Variants in KHDC1 observed in about 807,000 individuals in gnomAD.
KHDC1 encodes KH domain containing 1.
Under a neutral mutation model 24.7 loss-of-function variants are expected in KHDC1, and 21 were observed. The ratio of observed to expected loss-of-function variants is 0.85; its 90% CI spans 0.60 to 1.23. The LOEUF is 1.23. Ranked by LOEUF, KHDC1 falls within the 50% of genes most tolerant of loss-of-function variation. The pLI, the probability that KHDC1 is intolerant of heterozygous loss-of-function variation, is 0.00. For missense variants in KHDC1, 274 were observed against 298.5 expected, an observed-to-expected ratio of 0.92 and a Z score of 0.61; for synonymous variants, 98 against 111.7, an observed-to-expected ratio of 0.88 and a Z score of 0.77.
Position 73,292,365 on chromosome 6 carries a change from C to G in KHDC1, c.164-325G>C, listed in dbSNP as rs1447740875. 5 of 806,378 alleles carry G rather than the reference C, an allele frequency of 6.2e-6. No homozygotes were observed. In the East Asian group the frequency reaches 1.2e-4, roughly 20 times the overall value. 50.0% of individuals were successfully genotyped at this position (806,378 alleles called of 1,614,324 possible). On this transcript the variant is annotated intron_variant, in intron 1 of 4. Coordinates refer to ENST00000370384, the Ensembl canonical transcript of KHDC1. ...TATTTAGATACATTCTACACATATG[C>G]AAAATTCCAGTATGAATGTGGGAAT...
At chr6:73,262,983 G>C (rs1358714189) in intron 2 of KHDC1, 1 of 1,002,204 alleles carries the variant, frequency 1.0e-6, no homozygotes, top group South Asian at 4.2e-5. Context: ...GGCTTTGACG[G>C]TAGGAATGAA....
chr6:73,295,985 T>C (rs1328787486), intron 1 of KHDC1, among the ~76,000 whole-genome samples: 2 of 150,020 alleles, frequency 1.3e-5, no homozygotes, highest in Non-Finnish European at 2.9e-5. Context: ...CTACTAAAAA[T>C]ACAAAAATTA....
intron 4 of KHDC1, among the ~76,000 whole-genome samples, 154 bp downstream of exon 3, chr6:73,241,900 CA>C (rs1209021671): frequency 2.0e-5 from 3 of 152,034 alleles, no homozygotes; most frequent in African/African-American, 7.2e-5. Flanking sequence ...TCTCATGCCA[CA>C]AAAAAAGATG....
chr6:73,292,738 G>A (rs920893867), intron 1 of KHDC1: 8 of 738,956 alleles, frequency 1.1e-5, no homozygotes, highest in South Asian at 4.1e-5. Context: ...TAGCAAACAA[G>A]GATGTTCGAA....
chr6:73,304,177 T>C (rs144894485), intron 1 of KHDC1, among the ~76,000 whole-genome samples: 2,301 of 149,950 alleles, frequency 0.015, 25 homozygotes, highest in East Asian at 0.057. Context: ...AGACTCCATC[T>C]CAAAAAAAAA....
intron 2 of KHDC1, among the ~76,000 whole-genome samples, 176 bp downstream of exon 1, chr6:73,262,598 C>T (rs1198879314): frequency 1.3e-5 from 2 of 151,982 alleles, no homozygotes; most frequent in Admixed American, 6.6e-5. Flanking sequence ...TTTAAAATGT[C>T]CCCAAATCAA....
chr6:73,283,195 G>A (rs368312673), intron 2 of KHDC1, among the ~76,000 whole-genome samples: 13 of 152,218 alleles, frequency 8.5e-5, no homozygotes, highest in Non-Finnish European at 1.5e-4. Context: ...TGAAGGAACC[G>A]GGAGTTATGC....
In KHDC1 at chr6:73,242,246, A is replaced by C; in HGVS notation, c.332-9T>G. ...GTATGTGTCACCATGCCCTGTGAGC[A>C]TAAGAGGTGAGAGGAGGTTCTGTCA... On this transcript the variant is annotated splice_polypyrimidine_tract_variant and intron_variant, in intron 3 of 4. Coordinates refer to ENST00000370384, the Ensembl canonical transcript of KHDC1. 1 of 1,611,390 alleles carries C rather than the reference A, an allele frequency of 6.2e-7. No homozygotes were observed. The highest frequency in any genetic ancestry group is 8.5e-7 in the Non-Finnish European group (1 of 1,178,684).
At chr6:73,244,680 T>C (rs1298649010) in intron 2 of KHDC1, among the ~76,000 whole-genome samples, 1 of 3,300 alleles carries the variant, frequency 3.0e-4, no homozygotes, top group Non-Finnish European at 6.5e-4. Context: ...GGCAGGGGGT[T>C]TGGGGGAGGT....
At chr6:73,263,269 T>A in intron 2 of KHDC1, 73 bp from the exon 1 acceptor site, 1 of 985,410 alleles carries the variant, frequency 1.0e-6, no homozygotes, top group African/African-American at 1.7e-5. Context: ...GCCTGCTCTG[T>A]GTAGGAGACA....
At chr6:73,294,851 T>C (rs780611142) in intron 1 of KHDC1, among the ~76,000 whole-genome samples, 6 of 152,142 alleles carry the variant, frequency 3.9e-5, no homozygotes, top group Non-Finnish European at 8.8e-5. Flanking sequence ...TAGTGAGTTC[T>C]CATGGTGTCT....
At chr6:73,247,072 G>A (rs1269228757) in intron 2 of KHDC1, among the ~76,000 whole-genome samples, 1 of 151,792 alleles carries the variant, frequency 6.6e-6, no homozygotes, top group Non-Finnish European at 1.5e-5. Context: ...CTGCCTCCTG[G>A]GTTCAAGCAA....
At chr6:73,252,447 C>T (rs1433942834) in intron 2 of KHDC1, among the ~76,000 whole-genome samples, 2 of 152,094 alleles carry the variant, frequency 1.3e-5, no homozygotes, top group African/African-American at 2.4e-5. Context: ...AATTGTCAGA[C>T]AAACATTTTC....
chr6:73,273,481 T>C (rs1016828487), intron 2 of KHDC1, among the ~76,000 whole-genome samples: 2 of 152,168 alleles, frequency 1.3e-5, no homozygotes, highest in African/African-American at 4.8e-5. Flanking sequence ...AATTGACATT[T>C]TAAAATGTTA....
At chr6:73,300,402 A>G (rs947924586) in intron 1 of KHDC1, 20 of 152,188 alleles carry the variant, frequency 1.3e-4, no homozygotes, top group African/African-American at 3.4e-4. Flanking sequence ...TGGGTTCCCA[A>G]TTGAAAATCA....
At chr6:73,292,102 T>C in intron 1 of KHDC1, 1 of 1,605,754 alleles carries the variant, frequency 6.2e-7, no homozygotes, top group Non-Finnish European at 8.5e-7. Context: ...TTCTTAGTGA[T>C]GCCAACATGG....
chr6:73,291,196 C>A, intron 2 of KHDC1: 1 of 471,832 alleles, frequency 2.1e-6, no homozygotes, highest in Non-Finnish European at 4.2e-6. Flanking sequence ...CTTAGCCTAC[C>A]ATGAATGACT....
intron 1 of KHDC1, among the ~76,000 whole-genome samples, chr6:73,303,686 C>A (rs1582591698): frequency 1.3e-5 from 2 of 152,242 alleles, no homozygotes; most frequent in South Asian, 4.1e-4. Flanking sequence ...AACTGAGATG[C>A]ATTCTAGAAA....
At chr6:73,286,358 T>C (rs1280186665) in intron 2 of KHDC1, among the ~76,000 whole-genome samples, 2 of 152,198 alleles carry the variant, frequency 1.3e-5, no homozygotes, top group African/African-American at 2.4e-5. Context: ...CTTGAGGACT[T>C]CTTTTCTTGA....
Sources: gnomAD v4.1 joint callset for allele counts (sites outside exome capture counted in the v4.1 genomes callset) on GRCh38, gnomAD v4.1.1 for gene constraint, MANE v1.5 for transcripts, NCBI Gene and HGNC (gene_info 2026-07-23, HGNC 2026-07-21) for gene names.